SPOCK3: variants seen among roughly 807,000 people sequenced by gnomAD.
The protein encoded by SPOCK3 is SPARC (osteonectin), cwcv and kazal like domains proteoglycan 3, also known as testican-3.
A neutral mutation model predicts 56.6 loss-of-function variants in SPOCK3; 30 were observed. The observed-to-expected ratio is 0.53, with a 90% CI of 0.40 to 0.72. The LOEUF (loss-of-function observed/expected upper bound fraction) is 0.72, where lower values mean the gene tolerates loss of function less well. Among genes scored for constraint, SPOCK3 ranks in the 30% least tolerant of loss-of-function variants. The pLI is 0.00. For missense variants in SPOCK3, 527 were observed against 530.0 expected (o/e 0.99, Z 0.06); for synonymous variants, 196 against 183.3 (o/e 1.07, Z -0.56).
chr4:166,825,989 C>T (rs1167454777), intron 6 of SPOCK3, among the ~76,000 whole-genome samples: 1 of 151,914 alleles, frequency 6.6e-6, no homozygotes, highest in Non-Finnish European at 1.5e-5. Context: ...GAAATCACCA[C>T]TAAATAACTT....
At chr4:166,913,107 C>G (rs759092638) in intron 4 of SPOCK3, among the ~76,000 whole-genome samples, 1 of 151,996 alleles carries the variant, frequency 6.6e-6, no homozygotes, top group African/African-American at 2.4e-5. Context: ...TCCTCATGTT[C>G]CATTAGGAAC....
intron 7 of SPOCK3, among the ~76,000 whole-genome samples, chr4:166,762,173 T>C (rs1737331371): frequency 6.6e-6 from 1 of 152,126 alleles, no homozygotes; most frequent in African/African-American, 2.4e-5. Flanking sequence ...ACAGTAAACA[T>C]GAATTCCTTA....
intron 7 of SPOCK3, among the ~76,000 whole-genome samples, chr4:166,789,967 A>C (rs1741160364): frequency 6.6e-6 from 1 of 152,188 alleles, no homozygotes; most frequent in South Asian, 2.1e-4. Context: ...AAAGCATAAA[A>C]ATTGACTACA....
intron 5 of SPOCK3, among the ~76,000 whole-genome samples, chr4:166,908,754 A>G (rs1182789471): frequency 6.6e-6 from 1 of 152,086 alleles, no homozygotes; most frequent in Non-Finnish European, 1.5e-5. Context: ...CGGCAAATGT[A>G]ACGTACACTT....
intron 2 of SPOCK3, among the ~76,000 whole-genome samples, chr4:167,221,877 C>T (rs1021055594): frequency 2.6e-5 from 4 of 152,142 alleles, no homozygotes; most frequent in Admixed American, 2.6e-4. Flanking sequence ...AACAGCGTAA[C>T]CACCACGGAA....
chr4:167,026,140 A>C (rs967982770), intron 3 of SPOCK3, among the ~76,000 whole-genome samples: 6 of 152,096 alleles, frequency 3.9e-5, no homozygotes, highest in African/African-American at 1.4e-4. Flanking sequence ...TTGTTGATTG[A>C]AACATAATGT....
chr4:167,180,953 T>C (rs1197787171), intron 2 of SPOCK3, among the ~76,000 whole-genome samples: 1 of 152,206 alleles, frequency 6.6e-6, no homozygotes, highest in East Asian at 1.9e-4. Flanking sequence ...TTGGGTGTTA[T>C]TTAAATGTTT....
At chr4:167,063,925 A>C (rs535492811) in intron 2 of SPOCK3, among the ~76,000 whole-genome samples, 1 of 151,884 alleles carries the variant, frequency 6.6e-6, no homozygotes, top group African/African-American at 2.4e-5. Flanking sequence ...AGTTAGATTA[A>C]ATCTAATATA....
intron 3 of SPOCK3, among the ~76,000 whole-genome samples, chr4:167,033,592 A>G (rs1426053864): frequency 6.6e-6 from 1 of 151,950 alleles, no homozygotes; most frequent in African/African-American, 2.4e-5. Context: ...CAGTAAATAC[A>G]TGGCATGCAG....
At chr4:167,168,534 G>A (rs1334527982) in intron 2 of SPOCK3, among the ~76,000 whole-genome samples, 1 of 152,124 alleles carries the variant, frequency 6.6e-6, no homozygotes, top group African/African-American at 2.4e-5. Context: ...TATGAGAAGA[G>A]ACTGGCAGCA....
At chr4:166,989,153 A>G (rs1410454588) in intron 4 of SPOCK3, among the ~76,000 whole-genome samples, 1 of 152,050 alleles carries the variant, frequency 6.6e-6, no homozygotes, top group Admixed American at 6.6e-5. Flanking sequence ...GGGATTTCAA[A>G]GCCTCCCATT....
At chr4:166,973,909 A>T (rs1042852692) in intron 4 of SPOCK3, among the ~76,000 whole-genome samples, 22 of 152,238 alleles carry the variant, frequency 1.4e-4, no homozygotes, top group East Asian at 3.9e-4. Flanking sequence ...ACACATTTTT[A>T]AAAAAATCTT....
chr4:166,741,613 G>A (rs1356770491), intron 9 of SPOCK3, among the ~76,000 whole-genome samples: 1 of 152,124 alleles, frequency 6.6e-6, no homozygotes, highest in Non-Finnish European at 1.5e-5. Flanking sequence ...GGTACTCAGA[G>A]CACTTTTCAC....
chr4:167,154,033 G>T (rs1180287137), intron 2 of SPOCK3, among the ~76,000 whole-genome samples: 1 of 151,946 alleles, frequency 6.6e-6, no homozygotes, highest in Non-Finnish European at 1.5e-5. Context: ...CTCTGTTAAG[G>T]ATCACGTACA....
chr4:166,848,492 T>G (rs1748331356), intron 6 of SPOCK3, among the ~76,000 whole-genome samples: 2 of 152,222 alleles, frequency 1.3e-5, no homozygotes, highest in South Asian at 2.1e-4. Flanking sequence ...TGTCTTTTGC[T>G]GGATGTACTA....
In SPOCK3 at chr4:166,961,077, A is replaced by G. The variant is rs558049302; in HGVS notation, c.350+39272T>C. ...ATGTTAACAAAATGGATAAATATGG[A>G]AAGACAGGCAAATGATATAATCATA... On this transcript the variant is annotated intron_variant, in intron 4 of 10. Coordinates refer to ENST00000357545, the MANE Select transcript of SPOCK3 (RefSeq NM_001040159.2). 2.0e-5 allele frequency among the ~76,000 whole-genome samples: 3 copies of G among 152,308 alleles called. No homozygotes were observed. In the Middle Eastern group the frequency reaches 0.01, roughly 518 times the overall value.
chr4:166,989,800 A>C (rs1176525742), intron 4 of SPOCK3, among the ~76,000 whole-genome samples: 2 of 152,190 alleles, frequency 1.3e-5, no homozygotes, highest in East Asian at 1.9e-4. Flanking sequence ...TAAAAAGTTC[A>C]GTGTCTTAAT....
chr4:167,053,674 G>A (rs1432946287), intron 3 of SPOCK3, among the ~76,000 whole-genome samples: 1 of 151,910 alleles, frequency 6.6e-6, no homozygotes, highest in African/African-American at 2.4e-5. Flanking sequence ...GACAGAGTGA[G>A]ACTCCATCTC....
At chr4:166,898,773 A>T (rs1445391432) in intron 5 of SPOCK3, among the ~76,000 whole-genome samples, 1 of 152,200 alleles carries the variant, frequency 6.6e-6, no homozygotes, top group East Asian at 1.9e-4. Flanking sequence ...TTTGCCAAAA[A>T]TAGGTGTGTG....
Sources: gnomAD v4.1 joint callset for allele counts (sites outside exome capture counted in the v4.1 genomes callset) on GRCh38, gnomAD v4.1.1 for gene constraint, MANE v1.5 for transcripts, NCBI Gene and HGNC (gene_info 2026-07-23, HGNC 2026-07-21) for gene names.